SAMD3: variants seen among roughly 807,000 people sequenced by gnomAD.
SAMD3 encodes sterile alpha motif domain containing 3.
A neutral mutation model predicts 58.5 loss-of-function variants in SAMD3; 63 were observed. The ratio of observed to expected loss-of-function variants is 1.08; its 90% CI spans 0.88 to 1.33. The LOEUF (loss-of-function observed/expected upper bound fraction) is 1.33, where lower values mean the gene tolerates loss of function less well. SAMD3 is among the 40% of genes most tolerant of loss of function. SAMD3 has a pLI of 0.00. For missense variants in SAMD3, 604 were observed against 608.4 expected (o/e 0.99, Z 0.08); for synonymous variants, 220 against 210.3 (o/e 1.05, Z -0.40).
chr6:130,204,255 G>T (rs1253097559), intron 5 of SAMD3, among the ~76,000 whole-genome samples: 3 of 152,076 alleles, frequency 2.0e-5, no homozygotes, highest in Middle Eastern at 3.2e-3. Context: ...GAGGTGAACA[G>T]TTTCAAACAG....
chr6:130,194,265 T>A (rs959986098), intron 5 of SAMD3, among the ~76,000 whole-genome samples: 2 of 152,194 alleles, frequency 1.3e-5, no homozygotes, highest in Admixed American at 6.5e-5. Context: ...TTTCGTCAAA[T>A]ATAAAAATCC....
intron 7 of SAMD3, among the ~76,000 whole-genome samples, chr6:130,178,078 G>A (rs1233673806): frequency 1.3e-5 from 2 of 152,046 alleles, no homozygotes; most frequent in African/African-American, 4.8e-5. Context: ...GGGCTCAAGC[G>A]ATTCTCCTGC....
chr6:130,352,639 T>A (rs1467185866), intron 1 of SAMD3, among the ~76,000 whole-genome samples: 1 of 152,186 alleles, frequency 6.6e-6, no homozygotes, highest in African/African-American at 2.4e-5. Context: ...AATTTCACTT[T>A]CCTAGAACTT....
chr6:130,320,946 T>C (rs1434916334), intron 1 of SAMD3, among the ~76,000 whole-genome samples: 2 of 152,228 alleles, frequency 1.3e-5, no homozygotes, highest in South Asian at 2.1e-4. Flanking sequence ...AAGGTTTACA[T>C]ATTTGCTGAT....
chr6:130,146,573 CTG>C (rs1381659794), intron 9 of SAMD3, among the ~76,000 whole-genome samples: 8 of 152,186 alleles, frequency 5.3e-5, no homozygotes, highest in African/African-American at 1.7e-4. Context: ...AAGAACAAAA[CTG>C]TTAGATTTTA....
intron 2 of SAMD3, among the ~76,000 whole-genome samples, chr6:130,293,606 A>C (rs912087696): frequency 7.2e-6 from 1 of 139,578 alleles, no homozygotes. Context: ...GAATAGCCCC[A>C]GTGATGCTTC....
At chr6:130,340,121 A>ATTTTC (rs1777224516) in intron 1 of SAMD3, among the ~76,000 whole-genome samples, 1 of 152,228 alleles carries the variant, frequency 6.6e-6, no homozygotes, top group Non-Finnish European at 1.5e-5. Flanking sequence ...GTGTTCAATA[A>ATTTTC]TATTGCATTA....
rs114778409 is a variant in SAMD3, at chr6:130,300,378, A to G, written c.-188+12600T>C. Among the ~76,000 whole-genome samples the G allele has an allele frequency of 6.1e-3, 906 of 149,356 alleles. 9 individuals carry two copies. Among genetic ancestry groups the G allele is most frequent in the African/African-American group, 0.02 (842 of 41,308 alleles). ...AAATTATATGATCATCTCAATAGAC[A>G]GAAAAAGCATTTGATAAAAAAATCC... On this transcript the variant is annotated intron_variant, in intron 2 of 13. Transcript: ENST00000368134.
intron 11 of SAMD3, 104 bp from the exon 12 acceptor site, chr6:130,144,908 A>G (rs1788478099): frequency 5.5e-6 from 6 of 1,087,504 alleles, no homozygotes; most frequent in Non-Finnish European, 7.8e-6. Context: ...GTTGCAATGT[A>G]GCATATTTGT....
intron 1 of SAMD3, among the ~76,000 whole-genome samples, chr6:130,361,494 T>A (rs1028321785): frequency 1.3e-5 from 2 of 152,224 alleles, no homozygotes; most frequent in Non-Finnish European, 2.9e-5. Flanking sequence ...GTGTGTACAG[T>A]CTGTTGGCTG....
chr6:130,158,337 T>A (rs770564696), intron 8 of SAMD3, among the ~76,000 whole-genome samples: 5 of 152,234 alleles, frequency 3.3e-5, no homozygotes, highest in Non-Finnish European at 7.4e-5. Flanking sequence ...AGGAAGTTGG[T>A]ATTGATGCAG....
intron 9 of SAMD3, among the ~76,000 whole-genome samples, chr6:130,152,181 A>C (rs1175352056): frequency 6.6e-6 from 1 of 152,124 alleles, no homozygotes; most frequent in Non-Finnish European, 1.5e-5. Flanking sequence ...TCACAATGGC[A>C]GGAGCAACAG....
intron 1 of SAMD3, among the ~76,000 whole-genome samples, chr6:130,319,212 G>C (rs1243916298): frequency 6.6e-6 from 1 of 151,962 alleles, no homozygotes; most frequent in Non-Finnish European, 1.5e-5. Context: ...GAGAGAGAGG[G>C]ACAGAAAAAC....
chr6:130,226,678 G>A (rs1796389953), upstream of SAMD3, among the ~76,000 whole-genome samples: 1 of 152,140 alleles, frequency 6.6e-6, no homozygotes, highest in Non-Finnish European at 1.5e-5. Context: ...AATAAGCTGG[G>A]CATGGTGGCA....
intron 1 of SAMD3, among the ~76,000 whole-genome samples, chr6:130,326,328 C>G (rs1011975894): frequency 2.0e-5 from 3 of 149,562 alleles, no homozygotes; most frequent in Non-Finnish European, 3.0e-5. Context: ...GCCCCTATGA[C>G]TTTACCTAGG....
intron 4 of SAMD3, among the ~76,000 whole-genome samples, chr6:130,212,387 G>A (rs1456341266): frequency 6.6e-6 from 1 of 152,130 alleles, no homozygotes; most frequent in Non-Finnish European, 1.5e-5. Flanking sequence ...ACAGTGCAAA[G>A]TCCCCACTCA....
At chr6:130,295,072 C>T (rs1438523912) in intron 2 of SAMD3, among the ~76,000 whole-genome samples, 4 of 151,874 alleles carry the variant, frequency 2.6e-5, no homozygotes, top group African/African-American at 9.7e-5. Context: ...TACAGGCATG[C>T]ACCACCACAT....
chr6:130,243,750 T>C (rs1773442380), intron 2 of SAMD3, among the ~76,000 whole-genome samples: 1 of 152,188 alleles, frequency 6.6e-6, no homozygotes, highest in South Asian at 2.1e-4. Context: ...TTGGGCGTTT[T>C]CCCAAAGGTG....
chr6:130,215,952 C>G, intron 2 of SAMD3: 3 of 917,712 alleles, frequency 3.3e-6, no homozygotes, highest in Non-Finnish European at 4.9e-6. Context: ...CCTCTGAGTT[C>G]TAGAACTTTT....
Sources: gnomAD v4.1 joint callset for allele counts (sites outside exome capture counted in the v4.1 genomes callset) on GRCh38, gnomAD v4.1.1 for gene constraint, MANE v1.5 for transcripts, NCBI Gene and HGNC (gene_info 2026-07-23, HGNC 2026-07-21) for gene names.